Variants in GMEB1 observed in about 807,000 individuals in gnomAD.
GMEB1 encodes the protein glucocorticoid modulatory element binding protein 1.
A neutral mutation model predicts 52.4 loss-of-function variants in GMEB1; 6 were observed. The observed-to-expected ratio is 0.11, with a 90% CI of 0.06 to 0.23. The LOEUF is 0.23. Ranked by LOEUF, GMEB1 falls within the 10% of genes least tolerant of loss-of-function variation. GMEB1 has a pLI of 1.00. For synonymous variants in GMEB1, 255 were observed against 244.9 expected, an observed-to-expected ratio of 1.04 and a Z score of -0.38; for missense variants, 486 against 685.6, an observed-to-expected ratio of 0.71 and a Z score of 3.25.
At position 28,714,893 on chromosome 1, in the gene GMEB1, CTTA is replaced by C. The variant is rs1174209036; in HGVS notation, c.*123_*125del. On this transcript the variant is annotated 3_prime_UTR_variant, in exon 10 of 10. Coordinates refer to ENST00000373816, the MANE Select transcript of GMEB1 (RefSeq NM_001319674.2). ...TTTTTTAAAAAAAAAAAAACAAAAT[CTTA>C]TTGTTGTAACTGAAAATGTTGGGTT... is the stretch of plus-strand genomic sequence containing the variant. The C allele has an allele frequency of 5.6e-6, 4 of 708,808 alleles. No individual in the cohort carries two copies. The highest frequency in any genetic ancestry group is 9.1e-6 in the Non-Finnish European group (4 of 438,500). 43.9% of individuals were successfully genotyped at this position (708,808 alleles called of 1,614,324 possible). A position where few individuals can be genotyped will look rare whatever the true frequency, so the allele number is the denominator to read the frequency against.
At chr1:28,696,318 T>C (rs1378352096) in intron 5 of GMEB1, among the ~76,000 whole-genome samples, 1 of 152,086 alleles carries the variant, frequency 6.6e-6, no homozygotes, top group East Asian at 1.9e-4. Context: ...CCTCCTGCCT[T>C]GGCCTGCCAA....
rs878890649 is a variant in GMEB1 at position 28,690,203 on chromosome 1, G to GTTTTTTTTTTTTTTTTTTT, written c.211+20_211+38dup. On this transcript the variant is annotated intron_variant, in intron 3 of 9. Transcript: ENST00000373816. ...AAGGGATTGGTAAGGGTTTTTTTGT[G>GTTTTTTTTTTTTTTTTTTT]TTTTTTTTTTTTTTTTTTTTTGTCA... 4 of 516,168 alleles carry GTTTTTTTTTTTTTTTTTTT rather than the reference G, an allele frequency of 7.7e-6. No homozygotes were observed. Among genetic ancestry groups the GTTTTTTTTTTTTTTTTTTT allele is most frequent in the African/African-American group, 2.9e-5 (1 of 34,558 alleles). 32.0% of individuals were successfully genotyped at this position (516,168 alleles called of 1,614,324 possible).
At chr1:28,711,535 C>T (rs568675779) in intron 9 of GMEB1, among the ~76,000 whole-genome samples, 2 of 152,266 alleles carry the variant, frequency 1.3e-5, no homozygotes, top group Admixed American at 1.3e-4. Flanking sequence ...CTCACTGCAA[C>T]TTTGACCTTC....
chr1:28,694,190 ATTTTTTT>A (rs569803893), intron 5 of GMEB1, among the ~76,000 whole-genome samples: 2 of 136,812 alleles, frequency 1.5e-5, no homozygotes, highest in East Asian at 4.2e-4. Context: ...GTGTTGTAGG[ATTTTTTT>A]TTTTTTTTTT....
chr1:28,690,481 T>C (rs991941218), intron 3 of GMEB1, among the ~76,000 whole-genome samples: 1 of 152,110 alleles, frequency 6.6e-6, no homozygotes, highest in Non-Finnish European at 1.5e-5. Flanking sequence ...TTGATCCCTG[T>C]CATTAAATAA....
chr1:28,689,352 TGCGGTG>T (rs1669846459), intron 2 of GMEB1, among the ~76,000 whole-genome samples: 1 of 151,770 alleles, frequency 6.6e-6, no homozygotes, highest in Non-Finnish European at 1.5e-5. Flanking sequence ...AGGAGCTGGG[TGCGGTG>T]GCTCATGCCT....
chr1:28,709,933 G>A (rs142840389), intron 8 of GMEB1, among the ~76,000 whole-genome samples: 11,859 of 152,064 alleles, frequency 0.078, 653 homozygotes, highest in Non-Finnish European at 0.12. Flanking sequence ...TGGATCAAAA[G>A]GTCAGGAGTT....
intron 9 of GMEB1, among the ~76,000 whole-genome samples, chr1:28,712,542 C>G (rs764561879): frequency 6.6e-6 from 1 of 152,098 alleles, no homozygotes; most frequent in Non-Finnish European, 1.5e-5. Context: ...ACATTTATGC[C>G]GGGCGCAGTG....
intron 8 of GMEB1, among the ~76,000 whole-genome samples, chr1:28,707,721 T>C (rs140081667): frequency 1.7e-4 from 26 of 152,186 alleles, no homozygotes; most frequent in Non-Finnish European, 3.1e-4. Flanking sequence ...GAGATGTCAC[T>C]CATCTAGATA....
chr1:28,673,689 G>T (rs955042904), intron 1 of GMEB1, among the ~76,000 whole-genome samples: 1 of 152,166 alleles, frequency 6.6e-6, no homozygotes, highest in Non-Finnish European at 1.5e-5. Flanking sequence ...GCAGCGATGT[G>T]CTTAGTTTCA....
intron 1 of GMEB1, among the ~76,000 whole-genome samples, chr1:28,669,456 G>A (rs1469937837): frequency 2.0e-5 from 3 of 152,108 alleles, no homozygotes; most frequent in African/African-American, 7.2e-5. Flanking sequence ...AGTACAGAGT[G>A]GGTTCTTCTG....
Position 28,683,637 on chromosome 1 carries a change from C to A in GMEB1, c.25C>A (p.Pro9Thr). 6.2e-7 allele frequency: 1 copy of A among 1,608,980 alleles called. No individual in the cohort carries two copies. The highest frequency in any genetic ancestry group is 1.1e-5 in the South Asian group (1 of 90,098). MANAEVSV[P>T]VGDVVVVPTE... ...GATGGCTAATGCAGAAGTGAGTGTC[C>A]CAGTGGGGGATGTGGTTGTGGTACC... The change falls in exon 2 of 10, where the codon CCA (proline) becomes ACA (threonine). Residue 9 changes from proline (P) to threonine (T), a missense_variant. Around this residue, in one of 5 missense-constraint regions of GMEB1, gnomAD observed 88 missense variants for 96.5 expected, o/e 0.91. Transcript: ENST00000373816.
chr1:28,689,679 T>C (rs1283606963), intron 2 of GMEB1: 1 of 153,302 alleles, frequency 6.5e-6, no homozygotes, highest in African/African-American at 2.4e-5. Context: ...CATTTATTTT[T>C]ATTCAGTTTT....
At chr1:28,675,614 A>T (rs1570379259) in intron 1 of GMEB1, among the ~76,000 whole-genome samples, 1 of 151,546 alleles carries the variant, frequency 6.6e-6, no homozygotes, top group Non-Finnish European at 1.5e-5. Flanking sequence ...CAGGAGGCAG[A>T]AGTTGCAGTG....
chr1:28,675,178 G>A (rs892678974), intron 1 of GMEB1, among the ~76,000 whole-genome samples: 1 of 151,008 alleles, frequency 6.6e-6, no homozygotes, highest in Non-Finnish European at 1.5e-5. Context: ...CTACCACGCT[G>A]AGCTAATTTT....
At chr1:28,696,877 A>G (rs1670232851) in intron 5 of GMEB1, 50 bp from the exon 6 acceptor site, 1 of 1,451,720 alleles carries the variant, frequency 6.9e-7, no homozygotes, top group Non-Finnish European at 9.4e-7. Context: ...CCTAGTTCCC[A>G]CTAGATGAAG....
At chr1:28,710,419 G>A in intron 8 of GMEB1, 101 bp from the exon 9 acceptor site, 2 of 775,434 alleles carry the variant, frequency 2.6e-6, no homozygotes, top group Non-Finnish European at 3.8e-6. Context: ...AGTTAGGAGA[G>A]TCCCATAATT....
chr1:28,689,536 G>A (rs1169238521), intron 2 of GMEB1: 1 of 152,360 alleles, frequency 6.6e-6, no homozygotes, highest in East Asian at 1.9e-4. Flanking sequence ...GGCTGAGGCA[G>A]GAGAATGGCG....
intron 2 of GMEB1, among the ~76,000 whole-genome samples, chr1:28,687,331 A>G (rs1037175368): frequency 2.5e-4 from 28 of 112,288 alleles, no homozygotes; most frequent in African/African-American, 9.2e-4. Context: ...ATGAGACCCT[A>G]TCTCACACAC....
Sources: allele counts gnomAD v4.1 joint callset (sites outside exome capture counted in the v4.1 genomes callset), GRCh38; gene constraint gnomAD v4.1.1; regional missense constraint gnomAD v4.1.1; transcripts MANE v1.5; gene names NCBI Gene and HGNC (gene_info 2026-07-23, HGNC 2026-07-21).